Variants in ULK4 observed in about 807,000 individuals in gnomAD.
ULK4 encodes the protein inactive serine/threonine-protein kinase ULK4.
Under a neutral mutation model 160.6 loss-of-function variants are expected in ULK4, and 133 were observed. The observed-to-expected ratio is 0.83, with a 90% CI of 0.72 to 0.96. The LOEUF is 0.96. ULK4 is among the 40% of genes least tolerant of loss of function. The pLI, the probability that ULK4 is intolerant of heterozygous loss-of-function variation, is 0.00. For synonymous variants in ULK4, 534 were observed against 539.8 expected, an observed-to-expected ratio of 0.99 and a Z score of 0.15; for missense variants, 1,580 against 1,499.5, an observed-to-expected ratio of 1.05 and a Z score of -0.89.
intron 21 of ULK4, among the ~76,000 whole-genome samples, chr3:41,757,407 C>T (rs1411890807): frequency 1.3e-4 from 20 of 151,994 alleles, no homozygotes; most frequent in Non-Finnish European, 2.5e-4. Flanking sequence ...CCAAGGCGGG[C>T]AGAACACGTG....
chr3:41,902,814 T>TA (rs1006920910), intron 12 of ULK4, among the ~76,000 whole-genome samples: 2 of 152,054 alleles, frequency 1.3e-5, no homozygotes, highest in Non-Finnish European at 2.9e-5. Context: ...TTAGGGAAGA[T>TA]AAAAAAAGCT....
intron 31 of ULK4, among the ~76,000 whole-genome samples, chr3:41,614,343 A>G (rs2032852048): frequency 6.6e-6 from 1 of 152,182 alleles, no homozygotes; most frequent in African/African-American, 2.4e-5. Flanking sequence ...CTTGCCCCAT[A>G]CCCAACCATG....
At chr3:41,651,471 C>T (rs2034738995) in intron 30 of ULK4, among the ~76,000 whole-genome samples, 1 of 152,146 alleles carries the variant, frequency 6.6e-6, no homozygotes, top group South Asian at 2.1e-4. Flanking sequence ...GTATATACCT[C>T]CATCCAATCA....
chr3:41,841,658 G>C (rs2041931327), intron 17 of ULK4, among the ~76,000 whole-genome samples: 1 of 152,240 alleles, frequency 6.6e-6, no homozygotes, highest in South Asian at 2.1e-4. Flanking sequence ...CGACCATCGA[G>C]AACGGGCCAT....
intron 16 of ULK4, among the ~76,000 whole-genome samples, chr3:41,887,823 C>CAA (rs796785120): frequency 2.2e-4 from 30 of 134,056 alleles, no homozygotes; most frequent in African/African-American, 7.2e-4. Flanking sequence ...GACTCCGTCT[C>CAA]AAAAAAAAAA....
chr3:41,301,565 TAC>T (rs1369617519), intron 35 of ULK4, among the ~76,000 whole-genome samples: 3 of 152,228 alleles, frequency 2.0e-5, no homozygotes, highest in African/African-American at 7.2e-5. Context: ...CATTATTTTC[TAC>T]AGAGACAGGC....
At chr3:41,783,513 G>A (rs1389257260) in intron 21 of ULK4, among the ~76,000 whole-genome samples, 3 of 150,802 alleles carry the variant, frequency 2.0e-5, no homozygotes, top group African/African-American at 7.4e-5. Flanking sequence ...TCCAGCCTAG[G>A]CAACAGACCA....
chr3:41,663,730 C>A, intron 29 of ULK4, 31 bp from the exon 30 acceptor site: 1 of 1,576,310 alleles, frequency 6.3e-7, no homozygotes, highest in Non-Finnish European at 8.7e-7. Flanking sequence ...AAAAAATACT[C>A]AGTAGGAAAA....
intron 21 of ULK4, among the ~76,000 whole-genome samples, chr3:41,774,475 C>G (rs540952598): frequency 2.8e-4 from 42 of 149,940 alleles, no homozygotes; most frequent in African/African-American, 1.0e-3. Flanking sequence ...TGAAAAAATA[C>G]TCATCATCAC....
chr3:41,911,198 T>C, intron 11 of ULK4, 119 bp downstream of exon 11: 1 of 926,164 alleles, frequency 1.1e-6, no homozygotes, highest in East Asian at 2.6e-5. Flanking sequence ...AAACTGGCAT[T>C]TGGCACTAAA....
chr3:41,672,493 AG>A (rs1020615954), intron 29 of ULK4, among the ~76,000 whole-genome samples: 7 of 152,178 alleles, frequency 4.6e-5, no homozygotes, highest in African/African-American at 1.7e-4. Flanking sequence ...AAGCCAAAAA[AG>A]TTTCTCTCAC....
rs2125731010 is a variant in ULK4, at chr3:41,321,770, A to G, written c.3679-72196T>C. 1.4e-5 allele frequency among the ~76,000 whole-genome samples: 2 copies of G among 144,524 alleles called. 1 individual carries two copies. The highest frequency in any genetic ancestry group is 1.4e-4 in the Admixed American group (2 of 14,226). 94.8% of individuals were successfully genotyped at this position (144,524 alleles called of 152,430 possible). A position where few individuals can be genotyped will look rare whatever the true frequency, so the allele number is the denominator to read the frequency against. On this transcript the variant is annotated intron_variant, in intron 35 of 36. Transcript: ENST00000301831. ...TGAGGAACACTTGATTGGTAAGGGA[A>G]AAACGCCTCAAGTGAGCATGCGTAC...
At chr3:41,279,453 CAG>C (rs2079306946) in intron 35 of ULK4, among the ~76,000 whole-genome samples, 1 of 152,038 alleles carries the variant, frequency 6.6e-6, no homozygotes, top group South Asian at 2.1e-4. Context: ...TCAGGAAATA[CAG>C]AGAACCCCAC....
At chr3:41,735,374 C>T (rs1351519849) in intron 22 of ULK4, among the ~76,000 whole-genome samples, 1 of 152,062 alleles carries the variant, frequency 6.6e-6, no homozygotes, top group Admixed American at 6.6e-5. Flanking sequence ...AGAATTCACA[C>T]TCCTTGCTTT....
intron 27 of ULK4, among the ~76,000 whole-genome samples, chr3:41,690,376 G>T (rs966775016): frequency 6.6e-6 from 1 of 151,066 alleles, no homozygotes; most frequent in Non-Finnish European, 1.5e-5. Flanking sequence ...CACCAGCATG[G>T]CACATGTATA....
chr3:41,473,577 G>A (rs529284146), intron 32 of ULK4, among the ~76,000 whole-genome samples: 45 of 149,130 alleles, frequency 3.0e-4, no homozygotes, highest in East Asian at 8.0e-4. Flanking sequence ...TGGGAGCATC[G>A]CTTGAACCTG....
At chr3:41,728,420 C>T (rs2037721111) in intron 22 of ULK4, among the ~76,000 whole-genome samples, 1 of 152,102 alleles carries the variant, frequency 6.6e-6, no homozygotes, top group Non-Finnish European at 1.5e-5. Context: ...AGGTACAAGG[C>T]TCTTTTTAAT....
At chr3:41,475,253 C>A (rs909234693) in intron 32 of ULK4, among the ~76,000 whole-genome samples, 2 of 152,136 alleles carry the variant, frequency 1.3e-5, no homozygotes, top group Non-Finnish European at 2.9e-5. Context: ...AAGACAAATA[C>A]CACATGTTCT....
chr3:41,862,176 G>A (rs1053318384), intron 17 of ULK4, among the ~76,000 whole-genome samples: 2 of 151,234 alleles, frequency 1.3e-5, no homozygotes, highest in African/African-American at 4.9e-5. Context: ...TCTGCTAAAG[G>A]ACGCCAATAT....
Sources: gnomAD v4.1 joint callset for allele counts (sites outside exome capture counted in the v4.1 genomes callset) on GRCh38, gnomAD v4.1.1 for gene constraint, MANE v1.5 for transcripts, NCBI Gene and HGNC (gene_info 2026-07-23, HGNC 2026-07-21) for gene names.